CACNA2D1: variants seen among roughly 807,000 people sequenced by gnomAD.
The protein encoded by CACNA2D1 is calcium voltage-gated channel auxiliary subunit alpha2delta 1.
In CACNA2D1, 53 loss-of-function variants were observed where a neutral mutation model predicts 171.5. The ratio of observed to expected loss-of-function variants is 0.31; its 90% confidence interval spans 0.25 to 0.39. The LOEUF (loss-of-function observed/expected upper bound fraction) is 0.39. CACNA2D1 is among the 10% of genes least tolerant of loss of function. The pLI, the probability that CACNA2D1 is intolerant of heterozygous loss-of-function variation, is 1.00. For synonymous variants in CACNA2D1, 442 were observed against 443.1 expected (o/e 1.00, Z 0.03); for missense variants, 903 against 1,299.8 (o/e 0.69, Z 4.69).
intron 11 of CACNA2D1, among the ~76,000 whole-genome samples, chr7:82,036,357 C>A (rs1333427004): frequency 6.6e-6 from 1 of 152,202 alleles, no homozygotes; most frequent in Non-Finnish European, 1.5e-5. Context: ...TTGCTCATGT[C>A]CCAACTATGC....
At chr7:82,107,485 C>G (rs1191052954) in intron 6 of CACNA2D1, among the ~76,000 whole-genome samples, 5 of 152,046 alleles carry the variant, frequency 3.3e-5, no homozygotes, top group Non-Finnish European at 7.4e-5. Flanking sequence ...CTATCAAAGC[C>G]CAGCCTCCAC....
intron 7 of CACNA2D1, among the ~76,000 whole-genome samples, chr7:82,083,809 T>A (rs150561187): frequency 6.6e-6 from 1 of 152,170 alleles, no homozygotes; most frequent in Admixed American, 6.5e-5. Flanking sequence ...ATTGCTATAA[T>A]ATTACAATCC....
At chr7:82,428,153 T>C (rs1050275306) in intron 1 of CACNA2D1, among the ~76,000 whole-genome samples, 14 of 151,868 alleles carry the variant, frequency 9.2e-5, no homozygotes, top group Admixed American at 2.6e-4. Flanking sequence ...CCACACCATA[T>C]ATGATCACTT....
At chr7:82,163,535 A>C (rs1314287584) in intron 4 of CACNA2D1, among the ~76,000 whole-genome samples, 3 of 152,010 alleles carry the variant, frequency 2.0e-5, no homozygotes, top group Admixed American at 2.0e-4. Flanking sequence ...CACACAAAGA[A>C]AGGCACTTCT....
At chr7:82,095,768 T>C (rs1254888823) in intron 6 of CACNA2D1, among the ~76,000 whole-genome samples, 2 of 152,246 alleles carry the variant, frequency 1.3e-5, no homozygotes, top group African/African-American at 4.8e-5. Flanking sequence ...CAAGTACAAA[T>C]GGTAGAACAT....
intron 3 of CACNA2D1, among the ~76,000 whole-genome samples, chr7:82,218,609 G>C (rs898293944): frequency 6.6e-6 from 1 of 152,108 alleles, no homozygotes; most frequent in Non-Finnish European, 1.5e-5. Flanking sequence ...TACCAGGAAG[G>C]AAGTACAGAA....
At chr7:82,035,345 CA>C (rs5885264) in intron 11 of CACNA2D1, among the ~76,000 whole-genome samples, 1 of 146,320 alleles carries the variant, frequency 6.8e-6, no homozygotes, top group African/African-American at 2.6e-5. Flanking sequence ...GCTGCGAGGA[CA>C]AAAAAAAAAC....
At chr7:82,191,548 C>G (rs1007615860) in intron 3 of CACNA2D1, among the ~76,000 whole-genome samples, 4 of 151,714 alleles carry the variant, frequency 2.6e-5, no homozygotes, top group African/African-American at 9.7e-5. Flanking sequence ...GACAATTACC[C>G]CGTGTAAAAT....
At chr7:82,221,714 AG>A (rs1162614301) in intron 3 of CACNA2D1, among the ~76,000 whole-genome samples, 2 of 151,538 alleles carry the variant, frequency 1.3e-5, no homozygotes, top group East Asian at 3.9e-4. Flanking sequence ...ACTGCACTCC[AG>A]CCTGGGCAAC....
At chr7:82,211,441 T>C (rs1800539968) in intron 3 of CACNA2D1, among the ~76,000 whole-genome samples, 1 of 152,162 alleles carries the variant, frequency 6.6e-6, no homozygotes, top group Non-Finnish European at 1.5e-5. Flanking sequence ...CTCCCACTTA[T>C]AAATGAGAAC....
At chr7:82,226,577 C>T (rs1025791337) in intron 3 of CACNA2D1, among the ~76,000 whole-genome samples, 1 of 152,084 alleles carries the variant, frequency 6.6e-6, no homozygotes, top group Non-Finnish European at 1.5e-5. Flanking sequence ...AGCCACAGAA[C>T]CATTGGTGTC....
At chr7:82,418,594 G>C (rs778270557) in intron 1 of CACNA2D1, among the ~76,000 whole-genome samples, 10 of 152,090 alleles carry the variant, frequency 6.6e-5, no homozygotes, top group Non-Finnish European at 1.5e-4. Flanking sequence ...TCATGTAATA[G>C]CATTCCCTCC....
chr7:81,989,372 T>C (rs1051700258), intron 21 of CACNA2D1, among the ~76,000 whole-genome samples: 1 of 152,186 alleles, frequency 6.6e-6, no homozygotes, highest in African/African-American at 2.4e-5. Flanking sequence ...AAGATCCTTC[T>C]TGTGATTGTG....
At chr7:82,069,383 A>G (rs192273150) in intron 7 of CACNA2D1, among the ~76,000 whole-genome samples, 5 of 152,316 alleles carry the variant, frequency 3.3e-5, no homozygotes, top group Admixed American at 3.3e-4. Flanking sequence ...ATGGGCAGAA[A>G]AGAGAACTGA....
chr7:82,412,276 G>T (rs1429983699), intron 1 of CACNA2D1, among the ~76,000 whole-genome samples: 2 of 138,050 alleles, frequency 1.4e-5, no homozygotes, highest in Non-Finnish European at 3.1e-5. Context: ...ATCAGTGCTT[G>T]TAACTTTTTT....
chr7:82,019,283 G>A (rs1159300527), intron 12 of CACNA2D1, among the ~76,000 whole-genome samples: 1 of 152,202 alleles, frequency 6.6e-6, no homozygotes, highest in Non-Finnish European at 1.5e-5. Flanking sequence ...TCACACCACT[G>A]CACTTCAGCC....
chr7:82,058,838 A>C (rs1460787984), intron 10 of CACNA2D1, among the ~76,000 whole-genome samples: 1 of 152,104 alleles, frequency 6.6e-6, no homozygotes, highest in Non-Finnish European at 1.5e-5. Context: ...TAAATTATAA[A>C]ATACTTACAG....
chr7:82,060,999 T>C (rs1395608818), intron 9 of CACNA2D1, among the ~76,000 whole-genome samples: 1 of 152,154 alleles, frequency 6.6e-6, no homozygotes, highest in Non-Finnish European at 1.5e-5. Flanking sequence ...GTAAATATCC[T>C]CTAGAATTTA....
chr7:82,414,610 T>C (rs896214480), intron 1 of CACNA2D1, among the ~76,000 whole-genome samples: 3 of 152,176 alleles, frequency 2.0e-5, no homozygotes, highest in Non-Finnish European at 2.9e-5. Context: ...AGGGTAAACA[T>C]AGTGTCAAGT....
Sources: allele counts gnomAD v4.1 joint callset (sites outside exome capture counted in the v4.1 genomes callset), GRCh38; gene constraint gnomAD v4.1.1; transcripts MANE v1.5; gene names NCBI Gene and HGNC (gene_info 2026-07-23, HGNC 2026-07-21).